ARMC9: variants seen among roughly 807,000 people sequenced by gnomAD.
ARMC9 encodes lisH domain-containing protein ARMC9.
A neutral mutation model predicts 107.0 loss-of-function variants in ARMC9; 94 were observed. The observed-to-expected ratio is 0.88, with a 90% confidence interval of 0.74 to 1.04. The LOEUF is 1.04. Ranked by LOEUF, ARMC9 falls within the 50% of genes least tolerant of loss-of-function variation. The probability of loss-of-function intolerance (pLI) is 0.00; values close to 1 mark genes in which losing one functional copy is unlikely to be tolerated. For synonymous variants in ARMC9, 380 were observed against 396.9 expected, an observed-to-expected ratio of 0.96 and a Z score of 0.51; for missense variants, 942 against 1,030.1, an observed-to-expected ratio of 0.91 and a Z score of 1.17.
intron 19 of ARMC9, among the ~76,000 whole-genome samples, chr2:231,314,470 TTTG>T (rs1400013999): frequency 6.6e-6 from 1 of 152,206 alleles, no homozygotes; most frequent in African/African-American, 2.4e-5. Flanking sequence ...GGTCTCTGCT[TTTG>T]TTGTTGTATC....
intron 19 of ARMC9, among the ~76,000 whole-genome samples, chr2:231,323,458 GT>G (rs2043115360): frequency 6.6e-6 from 1 of 152,208 alleles, no homozygotes; most frequent in African/African-American, 2.4e-5. Context: ...GCCTGCAGGT[GT>G]TACTGGGAAC....
chr2:231,338,535 CTTT>C (rs764466867), intron 20 of ARMC9, among the ~76,000 whole-genome samples: 30 of 104,822 alleles, frequency 2.9e-4, no homozygotes, highest in African/African-American at 9.5e-4. Context: ...CCCCAATTCA[CTTT>C]TTTTTTTTTT....
intron 5 of ARMC9, among the ~76,000 whole-genome samples, chr2:231,218,160 A>G (rs947054632): frequency 6.6e-6 from 1 of 152,224 alleles, no homozygotes; most frequent in Non-Finnish European, 1.5e-5. Flanking sequence ...ACTGAAGGTT[A>G]CTTAGTTGAC....
In ARMC9 at chr2:231,375,567, G is replaced by C. The variant is rs965181795; in HGVS notation, c.*4032G>C. Among the ~76,000 whole-genome samples the C allele has an allele frequency of 6.6e-5, 10 of 152,242 alleles. No individual in the cohort carries two copies. The highest frequency in any genetic ancestry group is 2.4e-4 in the African/African-American group (10 of 41,460). ...CAAATATATTCTTTGGGGCTGCAGT[G>C]TGTCAGATGTGGAGACATGGTCCCA... is the stretch of plus-strand genomic sequence containing the variant. On this transcript the variant is annotated 3_prime_UTR_variant, in exon 25 of 25. Transcript: ENST00000611582. The surrounding 1 kb of genome is among the most constrained non-coding windows in gnomAD (Gnocchi z 4.3).
intron 23 of ARMC9, 35 bp from the exon 24 acceptor site, chr2:231,369,918 G>A (rs1183180194): frequency 6.9e-7 from 1 of 1,449,010 alleles, no homozygotes; most frequent in Admixed American, 2.3e-5. Flanking sequence ...TAATGCTGTA[G>A]TAGCTGGGAC....
At position 231,247,788 on chromosome 2, in the gene ARMC9, G is replaced by A. The variant is rs1284458180; in HGVS notation, c.879+7747G>A. ...TCTACTAAAAATACAAAAATTAGCC[G>A]AGCGTGGTGGCACACACCTGTAATC... On this transcript the variant is annotated intron_variant, in intron 9 of 24. Coordinates refer to ENST00000611582, the MANE Select transcript of ARMC9 (RefSeq NM_001352754.2). Among the ~76,000 whole-genome samples, 4 of 152,054 alleles carry A rather than the reference G, an allele frequency of 2.6e-5. No individual in the cohort carries two copies. In the East Asian group the frequency reaches 5.8e-4, roughly 22 times the overall value.
rs552071170 is a variant in ARMC9 at position 231,353,791 on chromosome 2, A to G, written c.1995-2007A>G. On this transcript the variant is annotated intron_variant, in intron 21 of 24. Coordinates refer to ENST00000611582, the MANE Select transcript of ARMC9 (RefSeq NM_001352754.2). ...TTTGGTTCTCCATTACTTGGGGATC[A>G]AGTTTAAATCCAGGCCTTACAGACT... 3.2e-4 allele frequency among the ~76,000 whole-genome samples: 48 copies of G among 152,084 alleles called. No homozygotes were observed. The South Asian group carries it at 6.6e-3, about 21-fold the overall frequency.
Position 231,278,420 on chromosome 2 carries a change from A to C in ARMC9, c.1513A>C (p.Lys505Gln). 1.2e-6 allele frequency: 2 copies of C among 1,614,136 alleles called. No individual in the cohort carries two copies. The highest frequency in any genetic ancestry group is 2.2e-5 in the East Asian group (1 of 44,880). Residue 505 changes from lysine (K) to glutamine (Q), a missense_variant, in exon 16 of 25, where the codon AAA becomes CAA. Lys to Gln is a moderately conservative substitution (Grantham distance 53). Coordinates refer to ENST00000611582, the MANE Select transcript of ARMC9 (RefSeq NM_001352754.2). ...TGCCAAGGTGGCAGGCCTCGTGCTC[A>C]AAGTCCTTTCGGATCTTCTTGGCCA... is the stretch of plus-strand genomic sequence containing the variant. ...MCAKVAGLVL[K>Q]VLSDLLGHEN...
rs1330612935 is a variant in ARMC9, at chr2:231,208,175, G to T, written c.100G>T (p.Glu34Ter). 1.2e-6 allele frequency: 2 copies of T among 1,606,690 alleles called. No individual in the cohort carries two copies. Among genetic ancestry groups the T allele is most frequent in the Admixed American group, 1.7e-5 (1 of 58,908 alleles). Reference protein sequence around the residue: ...FEDTLKTFSKECKIKGKPLCK... With the variant: ...FEDTLKTFSK ...AGACACCTTGAAAACATTTTCAAAAGAATGCAAAATAAAAGGAAAACCATT... is the reference window on the plus strand; with the variant it reads ...AGACACCTTGAAAACATTTTCAAAATAATGCAAAATAAAAGGAAAACCATT... The change falls in exon 3 of 25, where the codon GAA (glutamate) becomes TAA (stop). Residue 34 changes from glutamate to a stop codon, truncating the protein, a stop_gained. Coordinates refer to ENST00000611582, the MANE Select transcript of ARMC9 (RefSeq NM_001352754.2). LOFTEE classifies it high-confidence loss of function.
chr2:231,333,188 C>T (rs1372755667), intron 20 of ARMC9, among the ~76,000 whole-genome samples: 1 of 152,064 alleles, frequency 6.6e-6, no homozygotes, highest in Non-Finnish European at 1.5e-5. Flanking sequence ...GGTGGTGGGA[C>T]TTCAGGTTGG....
At chr2:231,340,219 C>T (rs1367960920) in intron 20 of ARMC9, among the ~76,000 whole-genome samples, 1 of 152,150 alleles carries the variant, frequency 6.6e-6, no homozygotes, top group East Asian at 1.9e-4. Flanking sequence ...TCATGTTACC[C>T]AGGTCTGTTT....
At chr2:231,333,575 A>G (rs1361117961) in intron 20 of ARMC9, among the ~76,000 whole-genome samples, 1 of 152,222 alleles carries the variant, frequency 6.6e-6, no homozygotes, top group Non-Finnish European at 1.5e-5. Flanking sequence ...TGTTGATGGA[A>G]GCCTAAGGCT....
chr2:231,258,473 G>A (rs1033989675), intron 10 of ARMC9, among the ~76,000 whole-genome samples: 3 of 152,088 alleles, frequency 2.0e-5, no homozygotes, highest in Non-Finnish European at 4.4e-5. Context: ...GAGCCACCAC[G>A]CCCGGCCCCC....
intron 17 of ARMC9, among the ~76,000 whole-genome samples, chr2:231,289,640 C>T (rs2040852541): frequency 6.6e-6 from 1 of 152,144 alleles, no homozygotes; most frequent in Non-Finnish European, 1.5e-5. Context: ...CCAAGGCAGT[C>T]ATTGGTTGGT....
chr2:231,199,425 A>T (rs1187242851), intron 1 of ARMC9, among the ~76,000 whole-genome samples: 1 of 152,142 alleles, frequency 6.6e-6, no homozygotes, highest in Non-Finnish European at 1.5e-5. Flanking sequence ...GTGCCAGCTG[A>T]TTCTGATTTA....
intron 21 of ARMC9, among the ~76,000 whole-genome samples, chr2:231,347,678 T>C (rs886242461): frequency 1.3e-5 from 2 of 152,200 alleles, no homozygotes; most frequent in African/African-American, 4.8e-5. Context: ...GCTCATTATT[T>C]CTCCACTGAT....
At chr2:231,337,003 G>A (rs929436291) in intron 20 of ARMC9, among the ~76,000 whole-genome samples, 4 of 152,154 alleles carry the variant, frequency 2.6e-5, no homozygotes, top group African/African-American at 9.7e-5. Flanking sequence ...TGCCTAGAGG[G>A]GCAGAAGCAT....
At chr2:231,359,082 GTT>G (rs555726953) in intron 22 of ARMC9, among the ~76,000 whole-genome samples, 7 of 117,862 alleles carry the variant, frequency 5.9e-5, no homozygotes, top group African/African-American at 1.4e-4. Context: ...GGGGTCTCCT[GTT>G]TTTTTTTTTT....
At chr2:231,256,803 T>C (rs556373842) in intron 10 of ARMC9, among the ~76,000 whole-genome samples, 183 bp downstream of exon 10, 50 of 152,292 alleles carry the variant, frequency 3.3e-4, no homozygotes, top group Non-Finnish European at 5.4e-4. Flanking sequence ...TAGAATTATT[T>C]TTTATTGCCT....
Sources: gnomAD v4.1 joint callset for allele counts (sites outside exome capture counted in the v4.1 genomes callset) on GRCh38, gnomAD v4.1.1 for gene constraint, Gnocchi (gnomAD v3.1) non-coding constraint, MANE v1.5 for transcripts, NCBI Gene and HGNC (gene_info 2026-07-23, HGNC 2026-07-21) for gene names.